ZNF558: variants seen among roughly 807,000 people sequenced by gnomAD.
The protein encoded by ZNF558 is zinc finger protein 558.
A neutral mutation model predicts 37.6 loss-of-function variants in ZNF558; 23 were observed. The observed-to-expected ratio is 0.61, with a 90% CI of 0.44 to 0.87. The LOEUF is 0.87. Among genes scored for constraint, ZNF558 ranks in the 40% least tolerant of loss-of-function variants. The pLI is 0.00. For synonymous variants in ZNF558, 189 were observed against 174.4 expected (o/e 1.08, Z -0.66); for missense variants, 429 against 483.7 (o/e 0.89, Z 1.06).
At chr19:8,828,741 C>T (rs752411790) in intron 2 of ZNF558, among the ~76,000 whole-genome samples, 44 of 152,042 alleles carry the variant, frequency 2.9e-4, no homozygotes, top group Admixed American at 5.2e-4. Context: ...GCAGGCGGAT[C>T]ACCTGAGGTC....
In ZNF558 at chr19:8,822,650, C is replaced by T. The variant is rs2044123560; in HGVS notation, c.10G>A (p.Val4Ile). ...TCACCAGCAGTCGAGGGCAGGATGACAGCCGCCATCCTGTGACTCCGACAG... is the reference window on the plus strand; with the variant it reads ...TCACCAGCAGTCGAGGGCAGGATGATAGCCGCCATCCTGTGACTCCGACAG... MAAVILPSTAAPSS... is the reference protein window; with the variant it reads MAAIILPSTAAPSS... The change falls in exon 5 of 10, where the codon GTC becomes ATC. Residue 4 changes from valine (V) to isoleucine (I), a missense_variant. Physicochemically the swap from Val to Ile is conservative, Grantham distance 29. Transcript: ENST00000601372. The surrounding 1 kb of genome is among the most constrained non-coding windows in gnomAD (Gnocchi z 4.4). 1.9e-5 allele frequency: 30 copies of T among 1,614,104 alleles called. No homozygotes were observed. The highest frequency in any genetic ancestry group is 2.5e-5 in the Non-Finnish European group (30 of 1,179,996).
intron 2 of ZNF558, among the ~76,000 whole-genome samples, chr19:8,826,294 C>T (rs915161917): frequency 6.6e-6 from 1 of 151,940 alleles, no homozygotes; most frequent in African/African-American, 2.4e-5. Flanking sequence ...GTTTTATAAG[C>T]ACATTACATT....
chr19:8,825,595 GAAT>G (rs2044213219), intron 2 of ZNF558, among the ~76,000 whole-genome samples: 1 of 150,058 alleles, frequency 6.7e-6, no homozygotes, highest in Non-Finnish European at 1.5e-5. Context: ...CAGATTTATA[GAAT>G]AAAACGTAAC....
At chr19:8,834,597 A>C (rs1176598150), upstream of ZNF558, among the ~76,000 whole-genome samples, 1 of 145,188 alleles carries the variant, frequency 6.9e-6, no homozygotes, top group Non-Finnish European at 1.5e-5. Context: ...ACAGAGCGAG[A>C]CTCCATCAAA....
At chr19:8,815,022 A>G (rs1240794343) in intron 7 of ZNF558, among the ~76,000 whole-genome samples, 1 of 148,768 alleles carries the variant, frequency 6.7e-6, no homozygotes, top group Non-Finnish European at 1.5e-5. Context: ...GAAAAGTCTG[A>G]TTCCCAAATT....
intron 2 of ZNF558, among the ~76,000 whole-genome samples, chr19:8,830,169 A>G (rs1599298042): frequency 6.6e-6 from 1 of 152,148 alleles, no homozygotes; most frequent in East Asian, 1.9e-4. Flanking sequence ...TCCTGCTGCC[A>G]TGTAAGACGT....
chr19:8,820,798 T>C (rs1232074200), intron 7 of ZNF558, among the ~76,000 whole-genome samples: 1 of 152,214 alleles, frequency 6.6e-6, no homozygotes, highest in Non-Finnish European at 1.5e-5. Context: ...TTTAAAACAC[T>C]GTGCTACATG....
intron 7 of ZNF558, among the ~76,000 whole-genome samples, chr19:8,817,630 A>G (rs928609816): frequency 6.6e-6 from 1 of 152,106 alleles, no homozygotes; most frequent in Admixed American, 6.6e-5. Context: ...GTTGCGGAGC[A>G]TGTGTACATA....
At chr19:8,815,746 G>A (rs917005610) in intron 7 of ZNF558, among the ~76,000 whole-genome samples, 8 of 151,964 alleles carry the variant, frequency 5.3e-5, no homozygotes, top group Non-Finnish European at 1.2e-4. Flanking sequence ...CAATCACTCT[G>A]CTGCACTCCG....
chr19:8,814,472 G>A (rs1284014261), intron 7 of ZNF558, among the ~76,000 whole-genome samples: 1 of 152,180 alleles, frequency 6.6e-6, no homozygotes, highest in Non-Finnish European at 1.5e-5. Flanking sequence ...TAACCGAAAA[G>A]CCTGAAAGGA....
chr19:8,823,548 C>T (rs1172843097), intron 4 of ZNF558, among the ~76,000 whole-genome samples: 1 of 132,508 alleles, frequency 7.5e-6, no homozygotes, highest in African/African-American at 2.9e-5. Flanking sequence ...TACCCCAACT[C>T]CTGCCCTTGG....
chr19:8,822,304 C>A lies in ZNF558; in HGVS notation c.32-213G>T, dbSNP rs1394770539. On this transcript the variant is annotated intron_variant, in intron 5 of 9. Transcript: ENST00000601372. This position sits in a 1 kb window ranked among gnomAD's most constrained non-coding sequence, Gnocchi z 4.4. ...AAAGACAATAGGGCTCAAGGTCTGA[C>A]TGCACTTGGGGAAGGGATTATTCCC... Among the ~76,000 whole-genome samples, 1 of 152,192 alleles carries A rather than the reference C, an allele frequency of 6.6e-6. No individual in the cohort carries two copies. The highest frequency in any genetic ancestry group is 2.4e-5 in the African/African-American group (1 of 41,436).
At chr19:8,813,007 G>T in intron 8 of ZNF558, 120 bp downstream of exon 8, 1 of 748,788 alleles carries the variant, frequency 1.3e-6, no homozygotes. Context: ...GTGCATGTTT[G>T]TCAGGAACAG....
intron 2 of ZNF558, among the ~76,000 whole-genome samples, chr19:8,826,999 AG>A (rs1369826104): frequency 2.0e-5 from 3 of 151,980 alleles, no homozygotes; most frequent in Non-Finnish European, 4.4e-5. Flanking sequence ...CTGGGGAGTG[AG>A]GGGGGGTTGG....
Position 8,808,448 on chromosome 19 carries a change from A to C in ZNF558, c.*2833T>G, listed in dbSNP as rs1265373497. 6 of 152,220 alleles carry C rather than the reference A, an allele frequency of 3.9e-5. No homozygotes were observed. Among genetic ancestry groups the C allele is most frequent in the African/African-American group, 1.4e-4 (6 of 41,444 alleles). 9.4% of individuals were successfully genotyped at this position (152,220 alleles called of 1,614,324 possible). ...TATGCATCTAGTTACATAATGTCAA[A>C]ATATATAAAAATGACAAAATTACAG... On this transcript the variant is annotated 3_prime_UTR_variant, in exon 10 of 10. Transcript: ENST00000601372.
intron 2 of ZNF558, among the ~76,000 whole-genome samples, chr19:8,827,366 C>T (rs112451134): frequency 0.025 from 3,778 of 151,868 alleles, 191 homozygotes; most frequent in African/African-American, 0.087. Flanking sequence ...CTCCAAACAC[C>T]CCCTCTTTTG....
Position 8,810,258 on chromosome 19 carries a change from C to T in ZNF558, c.*1023G>A, listed in dbSNP as rs1182973288. On this transcript the variant is annotated 3_prime_UTR_variant, in exon 10 of 10. Coordinates refer to ENST00000601372, the MANE Select transcript of ZNF558 (RefSeq NM_144693.3). ...AACATTCAAGGCTTTCCCATAGTCA[C>T]TGCAGAATACCACACTATAGTTTGC... is the stretch of plus-strand genomic sequence containing the variant. 2 of 152,272 alleles carry T rather than the reference C, an allele frequency of 1.3e-5. No individual in the cohort carries two copies. The highest frequency in any genetic ancestry group is 1.5e-5 in the Non-Finnish European group (1 of 68,062). The allele number at this position is 152,272 out of a possible 1,614,324, so 9.4% of individuals were successfully genotyped here.
chr19:8,823,824 C>A (rs1430308445), intron 4 of ZNF558: 1 of 152,340 alleles, frequency 6.6e-6, no homozygotes, highest in African/African-American at 2.4e-5. Context: ...TTCGGGCAGA[C>A]CACCCTGTGC....
intron 1 of ZNF558, among the ~76,000 whole-genome samples, chr19:8,831,914 C>T (rs2044366833): frequency 6.6e-6 from 1 of 152,208 alleles, no homozygotes; most frequent in South Asian, 2.1e-4. Context: ...GTGACAGTAG[C>T]AGCCTCCCCT....
Sources: gnomAD v4.1 joint callset for allele counts (sites outside exome capture counted in the v4.1 genomes callset) on GRCh38, gnomAD v4.1.1 for gene constraint, Gnocchi (gnomAD v3.1) non-coding constraint, MANE v1.5 for transcripts, NCBI Gene and HGNC (gene_info 2026-07-23, HGNC 2026-07-21) for gene names.